CCSER1: variants seen among roughly 807,000 people sequenced by gnomAD.
CCSER1 encodes the protein coiled-coil serine rich protein 1.
In CCSER1, 41 loss-of-function variants were observed where a neutral mutation model predicts 82.0. The ratio of observed to expected loss-of-function variants is 0.50; its 90% CI spans 0.39 to 0.65. The LOEUF is 0.65. CCSER1 is among the 30% of genes least tolerant of loss of function. The pLI is 0.00. For missense variants in CCSER1, 1,119 were observed against 1,064.2 expected, an observed-to-expected ratio of 1.05 and a Z score of -0.72; for synonymous variants, 414 against 383.9, an observed-to-expected ratio of 1.08 and a Z score of -0.92.
intron 5 of CCSER1, among the ~76,000 whole-genome samples, chr4:90,546,793 C>T (rs917381188): frequency 1.4e-4 from 22 of 152,056 alleles, no homozygotes; most frequent in African/African-American, 5.1e-4. Context: ...CTTGAAATTC[C>T]TGAGAAGACA....
intron 3 of CCSER1, among the ~76,000 whole-genome samples, chr4:90,379,495 G>A (rs373292175): frequency 1.8e-4 from 28 of 152,100 alleles, no homozygotes; most frequent in African/African-American, 6.8e-4. Context: ...AAGGAGCTTG[G>A]GGATCAGTGA....
chr4:91,341,327 T>C (rs1747704472), intron 10 of CCSER1, among the ~76,000 whole-genome samples: 1 of 152,182 alleles, frequency 6.6e-6, no homozygotes, highest in African/African-American at 2.4e-5. Context: ...AACTGTGGAT[T>C]GAGTAAAGCA....
intron 10 of CCSER1, among the ~76,000 whole-genome samples, chr4:91,270,007 T>C (rs569152103): frequency 6.6e-6 from 1 of 152,246 alleles, no homozygotes; most frequent in African/African-American, 2.4e-5. Flanking sequence ...CTATTTACAG[T>C]TTTTAAAAAT....
chr4:90,276,615 G>A (rs1227768308), intron 1 of CCSER1, among the ~76,000 whole-genome samples: 7 of 151,906 alleles, frequency 4.6e-5, no homozygotes, highest in African/African-American at 1.7e-4. Flanking sequence ...CAAAGTGCTG[G>A]GATTATAGGC....
chr4:90,306,428 A>G lies in CCSER1; in HGVS notation c.-41-1816A>G, dbSNP rs147119829. Among the ~76,000 whole-genome samples, 1,403 of 152,290 alleles carry G rather than the reference A, an allele frequency of 9.2e-3. 13 individuals are homozygous for G. Among genetic ancestry groups the G allele is most frequent in the Non-Finnish European group, 0.015 (1,037 of 68,026 alleles). On this transcript the variant is annotated intron_variant, in intron 1 of 10. Transcript: ENST00000509176. ...TTTCATAATATAAAAATATCAAAAC[A>G]TCACGTTATACCTCATAAGTATATA... is the stretch of plus-strand genomic sequence containing the variant.
intron 10 of CCSER1, among the ~76,000 whole-genome samples, chr4:91,093,602 C>A (rs2148831823): frequency 6.6e-6 from 1 of 152,308 alleles, no homozygotes; most frequent in South Asian, 2.1e-4. Flanking sequence ...ACGTGGAGGC[C>A]AGCCTTTTGA....
chr4:90,377,430 A>T (rs1420115444), intron 3 of CCSER1, among the ~76,000 whole-genome samples: 1 of 152,162 alleles, frequency 6.6e-6, no homozygotes, highest in African/African-American at 2.4e-5. Context: ...ACACCAGTAT[A>T]ATTAGGTAGA....
intron 4 of CCSER1, among the ~76,000 whole-genome samples, chr4:90,463,860 A>G (rs927635997): frequency 2.0e-5 from 3 of 152,134 alleles, no homozygotes; most frequent in Non-Finnish European, 2.9e-5. Flanking sequence ...CTCTCTGATG[A>G]ATCCTTAGTA....
At chr4:90,457,499 A>G (rs1026755573) in intron 4 of CCSER1, among the ~76,000 whole-genome samples, 5 of 152,168 alleles carry the variant, frequency 3.3e-5, no homozygotes, top group Non-Finnish European at 7.4e-5. Context: ...TTATTGAGCT[A>G]CAGTACAGCT....
At chr4:91,204,562 TAATC>T (rs1206668661) in intron 10 of CCSER1, among the ~76,000 whole-genome samples, 5 of 151,898 alleles carry the variant, frequency 3.3e-5, no homozygotes, top group African/African-American at 4.8e-5. Flanking sequence ...AATTTCCTCT[TAATC>T]AAGCCTTTAA....
At chr4:91,495,655 T>C (rs1758762131) in intron 10 of CCSER1, among the ~76,000 whole-genome samples, 1 of 151,550 alleles carries the variant, frequency 6.6e-6, no homozygotes, top group Admixed American at 6.6e-5. Flanking sequence ...ATAATTTTGG[T>C]TTACAAGCAG....
intron 9 of CCSER1, among the ~76,000 whole-genome samples, chr4:91,066,762 G>C (rs1450083367): frequency 6.6e-6 from 1 of 152,132 alleles, no homozygotes; most frequent in East Asian, 1.9e-4. Context: ...TTCTGAGGCT[G>C]TTTTTCCATG....
At chr4:91,584,453 A>C (rs1189111173) in intron 10 of CCSER1, among the ~76,000 whole-genome samples, 1 of 151,516 alleles carries the variant, frequency 6.6e-6, no homozygotes, top group Non-Finnish European at 1.5e-5. Context: ...CATAGGATCC[A>C]GTAAAAAACA....
intron 6 of CCSER1, among the ~76,000 whole-genome samples, chr4:90,664,551 T>C (rs1731373886): frequency 6.6e-6 from 1 of 152,194 alleles, no homozygotes; most frequent in East Asian, 1.9e-4. Flanking sequence ...AATAATTTCA[T>C]AAATTTAGAT....
rs199752171 is a variant in CCSER1, at chr4:90,946,140, TATA to T, written c.2172+22696_2172+22698del. Among the ~76,000 whole-genome samples, 63 of 152,272 alleles carry T rather than the reference TATA, an allele frequency of 4.1e-4. 1 individual carries two copies. The East Asian group carries it at 0.012, about 28-fold the overall frequency. On this transcript the variant is annotated intron_variant, in intron 9 of 10. Transcript: ENST00000509176. The stretch of plus-strand genomic sequence containing the variant: ...TACAATTAAGAGTGACACTAATAAT[TATA>T]ATGATTGATATAATGCTAATTTTAT...
chr4:90,843,324 A>G (rs1339486419), intron 8 of CCSER1, among the ~76,000 whole-genome samples: 5 of 152,172 alleles, frequency 3.3e-5, no homozygotes, highest in Non-Finnish European at 7.3e-5. Context: ...ACGGATTTTC[A>G]GGTGGCTCTT....
intron 6 of CCSER1, among the ~76,000 whole-genome samples, chr4:90,648,340 A>AGAAAGAAAGAAAGAAAGAAG (rs1553969835): frequency 2.0e-5 from 3 of 151,256 alleles, no homozygotes; most frequent in East Asian, 3.9e-4. Context: ...AAAGAAAGAA[A>AGAAAGAAAGAAAGAAAGAAG]GAGAGTTGCC....
chr4:91,389,029 G>C (rs1459053618), intron 10 of CCSER1, among the ~76,000 whole-genome samples: 1 of 151,964 alleles, frequency 6.6e-6, no homozygotes, highest in Non-Finnish European at 1.5e-5. Context: ...CTCACAGTTT[G>C]TGGCTTGGCT....
intron 5 of CCSER1, among the ~76,000 whole-genome samples, chr4:90,486,182 A>C (rs1310733858): frequency 3.9e-5 from 6 of 152,146 alleles, no homozygotes; most frequent in Non-Finnish European, 7.3e-5. Flanking sequence ...CCCACCCCTC[A>C]ATCTAGGAAA....
Sources: allele counts gnomAD v4.1 joint callset (sites outside exome capture counted in the v4.1 genomes callset), GRCh38; gene constraint gnomAD v4.1.1; transcripts MANE v1.5; gene names NCBI Gene and HGNC (gene_info 2026-07-23, HGNC 2026-07-21).